The following GREM2 variants were observed in gnomAD, a reference collection of about 807,000 sequenced individuals.
The protein encoded by GREM2 is gremlin 2, DAN family BMP antagonist.
A neutral mutation model predicts 14.2 loss-of-function variants in GREM2; 11 were observed. That is an observed-to-expected ratio of 0.78 (90% confidence interval 0.49 to 1.28). The LOEUF is 1.28. Among genes scored for constraint, GREM2 ranks in the 50% most tolerant of loss-of-function variants. GREM2 has a pLI of 0.00. For synonymous variants in GREM2, 98 were observed against 97.6 expected (o/e 1.00, Z -0.02); for missense variants, 210 against 218.5 (o/e 0.96, Z 0.24).
chr1:240,585,661 C>T (rs76851568), intron 1 of GREM2, among the ~76,000 whole-genome samples: 14 of 131,744 alleles, frequency 1.1e-4, no homozygotes, highest in African/African-American at 2.8e-4. Context: ...ACCTGGGAGG[C>T]GGAGGTTTCA....
In GREM2 at chr1:240,611,625, G is replaced by C. The variant is rs571388159; in HGVS notation, c.-2+259C>G. Among the ~76,000 whole-genome samples, 73 of 152,168 alleles carry C rather than the reference G, an allele frequency of 4.8e-4. No homozygotes were observed. In the South Asian group the frequency reaches 0.014, roughly 29 times the overall value. On this transcript the variant is annotated intron_variant, in intron 1 of 1. Coordinates refer to ENST00000318160, the MANE Select transcript of GREM2 (RefSeq NM_022469.4). ...ATTGGTATTGACGTTATTTAAAAGAGAAAGAAAGAGCGATCACGGTCAAGT... is the reference window on the plus strand; with the variant it reads ...ATTGGTATTGACGTTATTTAAAAGACAAAGAAAGAGCGATCACGGTCAAGT...
intron 1 of GREM2, among the ~76,000 whole-genome samples, chr1:240,563,103 GTGTA>G (rs1466478752): frequency 1.3e-5 from 2 of 150,014 alleles, no homozygotes; most frequent in African/African-American, 5.0e-5. Context: ...GCGTGTATGT[GTGTA>G]TGTGTGTATA....
At chr1:240,493,626 T>G in intron 1 of GREM2, 150 bp from the exon 2 acceptor site, 10 of 906,980 alleles carry the variant, frequency 1.1e-5, no homozygotes, top group Non-Finnish European at 1.6e-5. Context: ...GCTCAAACTC[T>G]GGGATCCTCC....
At chr1:240,590,188 C>A (rs902019543) in intron 1 of GREM2, among the ~76,000 whole-genome samples, 1 of 152,158 alleles carries the variant, frequency 6.6e-6, no homozygotes, top group Non-Finnish European at 1.5e-5. Flanking sequence ...AGATGCTATT[C>A]ATTGTGTTGT....
intron 1 of GREM2, among the ~76,000 whole-genome samples, chr1:240,604,760 C>A (rs1055750341): frequency 2.0e-5 from 3 of 152,182 alleles, no homozygotes; most frequent in African/African-American, 7.2e-5. Context: ...GAGTTCGGGA[C>A]CAGCTTGGCA....
intron 1 of GREM2, among the ~76,000 whole-genome samples, chr1:240,500,284 T>G (rs1321110800): frequency 6.6e-6 from 1 of 151,050 alleles, no homozygotes. Flanking sequence ...TCAGAGTATG[T>G]TTGTGTGTGT....
chr1:240,548,176 G>A (rs1308486889), intron 1 of GREM2, among the ~76,000 whole-genome samples: 1 of 152,030 alleles, frequency 6.6e-6, no homozygotes, highest in Non-Finnish European at 1.5e-5. Flanking sequence ...TCGGGAGGCT[G>A]AGGCAGGAGA....
At position 240,520,548 on chromosome 1, in the gene GREM2, T is replaced by C. The variant is rs1267719622; in HGVS notation, c.-1-27072A>G. The stretch of plus-strand genomic sequence containing the variant: ...TATAAATTCATTAAGTGCAGAAACT[T>C]TTTCTTTTTTTTTGAGACAGAGTCT... On this transcript the variant is annotated intron_variant, in intron 1 of 1. Coordinates refer to ENST00000318160, the MANE Select transcript of GREM2 (RefSeq NM_022469.4). Among the ~76,000 whole-genome samples, 5 of 152,130 alleles carry C rather than the reference T, an allele frequency of 3.3e-5. 1 individual carries two copies. Among genetic ancestry groups the C allele is most frequent in the Admixed American group, 6.6e-5 (1 of 15,252 alleles).
At chr1:240,508,674 T>C (rs1022456173) in intron 1 of GREM2, among the ~76,000 whole-genome samples, 2 of 152,244 alleles carry the variant, frequency 1.3e-5, no homozygotes, top group African/African-American at 4.8e-5. Context: ...GGCACATTTT[T>C]CCATAGAGCA....
At chr1:240,604,615 G>A (rs532195839) in intron 1 of GREM2, among the ~76,000 whole-genome samples, 35 of 152,224 alleles carry the variant, frequency 2.3e-4, no homozygotes, top group South Asian at 1.7e-3. Flanking sequence ...AAGTCAAGAA[G>A]CAATTTTTTT....
At chr1:240,575,012 CAGG>C (rs1679333285) in intron 1 of GREM2, among the ~76,000 whole-genome samples, 1 of 151,774 alleles carries the variant, frequency 6.6e-6, no homozygotes, top group Admixed American at 6.6e-5. Context: ...GAGGCTGAGG[CAGG>C]AGAATTGGTT....
intron 1 of GREM2, among the ~76,000 whole-genome samples, chr1:240,523,671 T>C (rs1022863012): frequency 1.3e-5 from 2 of 152,190 alleles, no homozygotes; most frequent in South Asian, 4.1e-4. Context: ...GTTTTGTTTT[T>C]TCATGTGTGT....
chr1:240,603,265 A>G (rs1679963453), intron 1 of GREM2, among the ~76,000 whole-genome samples: 2 of 152,280 alleles, frequency 1.3e-5, no homozygotes, highest in East Asian at 1.9e-4. Flanking sequence ...GAGACCATCC[A>G]GTTTCAAATA....
At chr1:240,582,101 C>A (rs2103378156) in intron 1 of GREM2, among the ~76,000 whole-genome samples, 1 of 152,320 alleles carries the variant, frequency 6.6e-6, no homozygotes, top group East Asian at 1.9e-4. Context: ...GTGTAGCCTG[C>A]CAGGGAACCA....
Position 240,529,688 on chromosome 1 carries a change from T to A in GREM2, c.-1-36212A>T, listed in dbSNP as rs556801783. ...TAAATACATTTTTAATGATTTTTTT[T>A]AAAAAAATGGTAATGGGGTGAGCAT... On this transcript the variant is annotated intron_variant, in intron 1 of 1. Transcript: ENST00000318160. Among the ~76,000 whole-genome samples the A allele has an allele frequency of 1.8e-3, 280 of 151,754 alleles. 1 individual carries two copies. The highest frequency in any genetic ancestry group is 2.2e-3 in the African/African-American group (90 of 41,108).
chr1:240,547,085 G>T (rs1390641857), intron 1 of GREM2, among the ~76,000 whole-genome samples: 2 of 152,150 alleles, frequency 1.3e-5, no homozygotes, highest in African/African-American at 2.4e-5. Context: ...TACAGTAAAG[G>T]CTATGCTAGA....
At position 240,556,043 on chromosome 1, in the gene GREM2, A is replaced by G. The variant is rs1156885568; in HGVS notation, c.-2+55841T>C. On this transcript the variant is annotated intron_variant, in intron 1 of 1. Transcript: ENST00000318160. ...AGCATATCCTAATAATGTGTACTCA[A>G]TAAATACTGAAAATAATGAGAGATT... 2.6e-5 allele frequency among the ~76,000 whole-genome samples: 4 copies of G among 152,220 alleles called. No individual in the cohort carries two copies. The East Asian group carries it at 7.7e-4, about 29-fold the overall frequency.
intron 1 of GREM2, among the ~76,000 whole-genome samples, chr1:240,610,872 C>A (rs1316016137): frequency 2.0e-5 from 3 of 152,220 alleles, no homozygotes; most frequent in African/African-American, 7.2e-5. Flanking sequence ...CCCTTGAAGA[C>A]TGCAAAGCAA....
At chr1:240,547,013 A>G (rs1678740129) in intron 1 of GREM2, among the ~76,000 whole-genome samples, 1 of 152,204 alleles carries the variant, frequency 6.6e-6, no homozygotes, top group African/African-American at 2.4e-5. Flanking sequence ...GACCGAGAAC[A>G]TTGTAGGTGG....
Sources: gnomAD v4.1 joint callset for allele counts (sites outside exome capture counted in the v4.1 genomes callset) on GRCh38, gnomAD v4.1.1 for gene constraint, MANE v1.5 for transcripts, NCBI Gene and HGNC (gene_info 2026-07-23, HGNC 2026-07-21) for gene names.